The following DLAT variants were observed in gnomAD, a reference collection of about 807,000 sequenced individuals.
The protein encoded by DLAT is dihydrolipoamide S-acetyltransferase.
Under a neutral mutation model 68.0 loss-of-function variants are expected in DLAT, and 43 were observed. The observed-to-expected ratio is 0.63, with a 90% CI of 0.50 to 0.81. DLAT has a LOEUF of 0.81. Among genes scored for constraint, DLAT ranks in the 40% least tolerant of loss-of-function variants. The pLI is 0.00. For synonymous variants in DLAT, 265 were observed against 288.6 expected (o/e 0.92, Z 0.83); for missense variants, 745 against 815.4 (o/e 0.91, Z 1.05).
intron 11 of DLAT, among the ~76,000 whole-genome samples, chr11:112,058,150 C>A (rs1864223679): frequency 6.6e-6 from 1 of 152,094 alleles, no homozygotes; most frequent in Non-Finnish European, 1.5e-5. Flanking sequence ...GTTCATACAC[C>A]CATTCAACAT....
intron 11 of DLAT, among the ~76,000 whole-genome samples, chr11:112,056,016 T>A (rs1864039921): frequency 6.6e-6 from 1 of 151,044 alleles, no homozygotes; most frequent in Non-Finnish European, 1.5e-5. Flanking sequence ...TACAGGCACA[T>A]GCCACCACAC....
At position 112,062,427 on chromosome 11, in the gene DLAT, G is replaced by C; in HGVS notation, c.1836G>C (p.Met612Ile). The C allele has an allele frequency of 6.2e-7, 1 of 1,612,610 alleles. No homozygotes were observed. Among genetic ancestry groups the C allele is most frequent in the Non-Finnish European group, 8.5e-7 (1 of 1,180,010 alleles). ...CTAGGTTTGATGTGGCTAGCATGAT[G>C]TCTGTTACACTCAGTTGTGATCACC... ...NEKGFDVASM[M>I]SVTLSCDHRV... is the part of the protein sequence containing the mutation. The change falls in exon 14 of 14, where the codon ATG becomes ATC. Residue 612 changes from methionine to isoleucine, a missense_variant. Transcript: ENST00000280346.
chr11:112,026,177 T>C (rs1316046880), intron 1 of DLAT, 21 bp from the exon 2 acceptor site: 2 of 1,580,430 alleles, frequency 1.3e-6, no homozygotes, highest in African/African-American at 2.7e-5. Flanking sequence ...AATTTTAATG[T>C]TTCTTCTTTT....
intron 11 of DLAT, among the ~76,000 whole-genome samples, chr11:112,056,627 A>G (rs139497093): frequency 1.1e-3 from 144 of 135,824 alleles, no homozygotes; most frequent in African/African-American, 3.4e-3. Context: ...TGATGCTACT[A>G]TGAGTATTTA....
intron 5 of DLAT, among the ~76,000 whole-genome samples, chr11:112,036,153 A>ATATG (rs1555180434): frequency 7.9e-6 from 1 of 127,266 alleles, no homozygotes; most frequent in Non-Finnish European, 1.6e-5. Context: ...ATATATATAT[A>ATATG]TGTGTGTGTA....
rs376058284 is a variant in DLAT, at chr11:112,025,604, T to G, written c.132T>G (p.Arg44=). 7.2e-5 allele frequency: 117 copies of G among 1,613,810 alleles called. No homozygotes were observed. The highest frequency in any genetic ancestry group is 9.7e-5 in the Non-Finnish European group (114 of 1,179,992). The change falls in exon 1 of 14, where the codon CGT becomes CGG. Residue 44 remains arginine (R), a synonymous_variant. Coordinates refer to ENST00000280346, the MANE Select transcript of DLAT (RefSeq NM_001931.5). Reference sequence around the variant, plus strand: ...CGCGATCTGGCCCGGCTCCCGCTCGTCGCAACAGCGTGACTACAGGGTATG... The same window carrying G: ...CGCGATCTGGCCCGGCTCCCGCTCGGCGCAACAGCGTGACTACAGGGTATG... ...VTSRSGPAPA[R]RNSVTTGYGG...
chr11:112,029,019 C>A, intron 4 of DLAT, 74 bp downstream of exon 4: 1 of 1,543,158 alleles, frequency 6.5e-7, no homozygotes, highest in Non-Finnish European at 8.9e-7. Flanking sequence ...ATGGCTACTA[C>A]ATCTTGGAAA....
chr11:112,054,247 C>CG (rs1863861787), intron 11 of DLAT, among the ~76,000 whole-genome samples: 1 of 152,116 alleles, frequency 6.6e-6, no homozygotes, highest in South Asian at 2.1e-4. Flanking sequence ...ACCTGGGAGG[C>CG]GGAGGTTGCA....
chr11:112,060,009 G>A lies in DLAT; in HGVS notation c.1621G>A (p.Val541Ile), dbSNP rs1864456588. Residue 541 changes from valine to isoleucine, a missense_variant, in exon 12 of 14, where the codon GTT (valine) becomes ATT (isoleucine). Coordinates refer to ENST00000280346, the MANE Select transcript of DLAT (RefSeq NM_001931.5). ...AGGAGTGGAAACCATTGCTAATGATGTTGTTTCTTTAGCAACCAAAGCAAG... is the reference window on the plus strand; with the variant it reads ...AGGAGTGGAAACCATTGCTAATGATATTGTTTCTTTAGCAACCAAAGCAAG... ...IKGVETIAND[V>I]VSLATKAREG... 1 of 1,613,848 alleles carries A rather than the reference G, an allele frequency of 6.2e-7. No individual in the cohort carries two copies. The highest frequency in any genetic ancestry group is 1.3e-5 in the African/African-American group (1 of 75,006).
chr11:112,047,320 T>C (rs904606863), intron 10 of DLAT, among the ~76,000 whole-genome samples: 30 of 152,348 alleles, frequency 2.0e-4, no homozygotes, highest in African/African-American at 6.7e-4. Context: ...CATTTGTTTT[T>C]TTCTTGTAAA....
Position 112,064,321 on chromosome 11 carries a change from G to A in DLAT, c.*1786G>A. 3 of 1,033,042 alleles carry A rather than the reference G, an allele frequency of 2.9e-6. No individual in the cohort carries two copies. The highest frequency in any genetic ancestry group is 2.1e-5 in the South Asian group (1 of 47,318). The allele number at this position is 1,033,042 out of a possible 1,614,324, so 64.0% of individuals were successfully genotyped here. ...ATCGATTCAGTCTCTTACCAGAACT[G>A]AAAGAAAAAAGTTAGAAATAGTGTT... On this transcript the variant is annotated 3_prime_UTR_variant, in exon 14 of 14. Coordinates refer to ENST00000280346, the MANE Select transcript of DLAT (RefSeq NM_001931.5).
intron 11 of DLAT, among the ~76,000 whole-genome samples, chr11:112,053,386 AC>A (rs1430949357): frequency 6.6e-6 from 1 of 152,110 alleles, no homozygotes; most frequent in Non-Finnish European, 1.5e-5. Context: ...GCTTAGAGTG[AC>A]TTGTTCTAAC....
At chr11:112,043,736 A>G (rs1863161899) in intron 8 of DLAT, among the ~76,000 whole-genome samples, 1 of 152,228 alleles carries the variant, frequency 6.6e-6, no homozygotes, top group Non-Finnish European at 1.5e-5. Flanking sequence ...CAAATGCTTA[A>G]GTCTCTTATA....
chr11:112,061,945 A>G (rs373699548), intron 13 of DLAT, among the ~76,000 whole-genome samples: 1 of 152,154 alleles, frequency 6.6e-6, no homozygotes, highest in Non-Finnish European at 1.5e-5. Context: ...AAAATTATAT[A>G]TATATAAAAA....
chr11:112,029,826 T>G, intron 4 of DLAT: 1 of 582,850 alleles, frequency 1.7e-6, no homozygotes, highest in South Asian at 1.4e-5. Context: ...AATTCAGTCT[T>G]GGTCTGGACT....
intron 5 of DLAT, among the ~76,000 whole-genome samples, chr11:112,034,437 A>T (rs1555180207): frequency 6.6e-6 from 1 of 150,846 alleles, no homozygotes; most frequent in Non-Finnish European, 1.5e-5. Context: ...TAATATATTT[A>T]TTATTATTAT....
chr11:112,028,664 G>A lies in DLAT; in HGVS notation c.506+25G>A, dbSNP rs930054641. 6 of 1,613,998 alleles carry A rather than the reference G, an allele frequency of 3.7e-6. No homozygotes were observed. The African/African-American group carries it at 6.7e-5, about 18-fold the overall frequency. On this transcript the variant is annotated intron_variant, in intron 3 of 13. Coordinates refer to ENST00000280346, the MANE Select transcript of DLAT (RefSeq NM_001931.5). ...AGTGAGTAGTGCGCTCATAATTTGTGGAACTTCATTGCTTGGTGGAGTATT... is the reference window on the plus strand; with the variant it reads ...AGTGAGTAGTGCGCTCATAATTTGTAGAACTTCATTGCTTGGTGGAGTATT...
chr11:112,060,179 T>TG, intron 12 of DLAT, 114 bp downstream of exon 12: 2 of 989,954 alleles, frequency 2.0e-6, no homozygotes, highest in African/African-American at 1.7e-5. Flanking sequence ...TTTTTTTTTT[T>TG]TTGAGACGGA....
At chr11:112,039,773 T>C (rs1003798612) in intron 7 of DLAT, among the ~76,000 whole-genome samples, 6 of 152,130 alleles carry the variant, frequency 3.9e-5, no homozygotes, top group Non-Finnish European at 7.4e-5. Context: ...AAATAAAATT[T>C]GAAGTTGGGG....
Sources: gnomAD v4.1 joint callset for allele counts (sites outside exome capture counted in the v4.1 genomes callset) on GRCh38, gnomAD v4.1.1 for gene constraint, MANE v1.5 for transcripts, NCBI Gene and HGNC (gene_info 2026-07-23, HGNC 2026-07-21) for gene names.